CUL3: variants seen among roughly 807,000 people sequenced by gnomAD.
The protein encoded by CUL3 is cullin 3.
Under a neutral mutation model 89.1 loss-of-function variants are expected in CUL3, and 19 were observed. The observed-to-expected ratio is 0.21, with a 90% CI of 0.15 to 0.31. CUL3 has a LOEUF of 0.31. CUL3 is among the 10% of genes least tolerant of loss of function. The pLI is 1.00. For synonymous variants in CUL3, 351 were observed against 308.4 expected (o/e 1.14, Z -1.45); for missense variants, 469 against 942.3 (o/e 0.50, Z 6.58).
At chr2:224,494,328 T>TA (rs1692087411) in intron 13 of CUL3, among the ~76,000 whole-genome samples, 2 of 152,160 alleles carry the variant, frequency 1.3e-5, no homozygotes, top group African/African-American at 4.8e-5. Flanking sequence ...AATTTAAACT[T>TA]AATGTGAATC....
At chr2:224,532,789 G>A (rs1194664122) in intron 3 of CUL3, among the ~76,000 whole-genome samples, 1 of 152,062 alleles carries the variant, frequency 6.6e-6, no homozygotes, top group Non-Finnish European at 1.5e-5. Flanking sequence ...CAATATGAAA[G>A]GTAGAACCCT....
intron 3 of CUL3, among the ~76,000 whole-genome samples, chr2:224,525,483 G>C (rs1480802030): frequency 6.6e-6 from 1 of 152,152 alleles, no homozygotes; most frequent in Non-Finnish European, 1.5e-5. Context: ...GTGGCACAGT[G>C]ATACAGGTAT....
intron 3 of CUL3, among the ~76,000 whole-genome samples, chr2:224,520,699 A>G (rs1444467081): frequency 2.0e-5 from 3 of 152,192 alleles, no homozygotes; most frequent in Admixed American, 2.0e-4. Flanking sequence ...AAACTCCTGC[A>G]AATGCTTACT....
In CUL3 at chr2:224,495,680, T is replaced by A. The variant is rs747592462; in HGVS notation, c.1842+152A>T. 2.5e-5 allele frequency: 14 copies of A among 557,292 alleles called. No homozygotes were observed. The East Asian group carries it at 4.3e-4, about 17-fold the overall frequency. 34.5% of individuals were successfully genotyped at this position (557,292 alleles called of 1,614,324 possible). A position where few individuals can be genotyped will look rare whatever the true frequency, so the allele number is the denominator to read the frequency against. ...AATAAGACATAACTCAATACATGTATGATGTTCATACAGTTCCATGATCCA... is the reference window on the plus strand; with the variant it reads ...AATAAGACATAACTCAATACATGTAAGATGTTCATACAGTTCCATGATCCA... On this transcript the variant is annotated intron_variant, in intron 13 of 15. Coordinates refer to ENST00000264414, the MANE Select transcript of CUL3 (RefSeq NM_003590.5).
intron 2 of CUL3, among the ~76,000 whole-genome samples, chr2:224,536,698 A>G (rs973547350): frequency 1.7e-4 from 26 of 152,286 alleles, no homozygotes; most frequent in African/African-American, 6.3e-4. Flanking sequence ...CAACCCTAAT[A>G]AAAGACTATT....
chr2:224,477,843 T>C (rs996413050), intron 15 of CUL3, among the ~76,000 whole-genome samples: 3 of 152,238 alleles, frequency 2.0e-5, no homozygotes, highest in Non-Finnish European at 4.4e-5. Context: ...CTTCCCCTCC[T>C]TAGTTTCCCA....
At chr2:224,527,656 T>C (rs1239637642) in intron 3 of CUL3, among the ~76,000 whole-genome samples, 1 of 152,184 alleles carries the variant, frequency 6.6e-6, no homozygotes, top group Non-Finnish European at 1.5e-5. Context: ...TTAGAAGACA[T>C]CAAATAACTC....
intron 2 of CUL3, among the ~76,000 whole-genome samples, chr2:224,549,944 T>C (rs1464314238): frequency 6.6e-6 from 1 of 152,170 alleles, no homozygotes; most frequent in Non-Finnish European, 1.5e-5. Flanking sequence ...CAAATATTAT[T>C]ATCTTATAAT....
chr2:224,571,059 A>G (rs561370697), intron 1 of CUL3, among the ~76,000 whole-genome samples: 1 of 152,292 alleles, frequency 6.6e-6, no homozygotes, highest in Admixed American at 6.5e-5. Flanking sequence ...ACCACAACAA[A>G]TAAGATACAA....
chr2:224,544,066 G>A (rs545610690), intron 2 of CUL3, among the ~76,000 whole-genome samples: 1 of 152,044 alleles, frequency 6.6e-6, no homozygotes, highest in African/African-American at 2.4e-5. Context: ...CAACTGCCCA[G>A]GGAAGTCACT....
intron 3 of CUL3, among the ~76,000 whole-genome samples, chr2:224,523,902 T>C (rs1260623456): frequency 6.6e-6 from 1 of 151,994 alleles, no homozygotes; most frequent in Admixed American, 6.6e-5. Context: ...TGGCAGAGGC[T>C]TGGTGGAGGG....
intron 14 of CUL3, 54 bp from the exon 15 acceptor site, chr2:224,478,399 T>TA: frequency 6.5e-7 from 1 of 1,548,840 alleles, no homozygotes; most frequent in Non-Finnish European, 8.7e-7. Flanking sequence ...ATTTGGTTTA[T>TA]AAGCAAGCTT....
chr2:224,525,374 G>C (rs1238512019), intron 3 of CUL3, among the ~76,000 whole-genome samples: 1 of 152,116 alleles, frequency 6.6e-6, no homozygotes, highest in African/African-American at 2.4e-5. Flanking sequence ...ATTTTGGCGG[G>C]TTAATCTCTC....
chr2:224,513,302 T>G lies in CUL3; in HGVS notation c.654+222A>C, dbSNP rs112316407. On this transcript the variant is annotated intron_variant, in intron 5 of 15. Coordinates refer to ENST00000264414, the MANE Select transcript of CUL3 (RefSeq NM_003590.5). The stretch of plus-strand genomic sequence containing the variant: ...TGTTCAAGGGTCATCTCTGTTATTT[T>G]AAAAACCATGTGTGTAAGTTCAACC... 5.9e-5 allele frequency among the ~76,000 whole-genome samples: 9 copies of G among 152,262 alleles called. 2 individuals carry two copies. Among genetic ancestry groups the G allele is most frequent in the African/African-American group, 2.2e-4 (9 of 41,552 alleles).
intron 3 of CUL3, among the ~76,000 whole-genome samples, chr2:224,526,585 C>CAAAAAAAAAAAAAAAAAAAAA (rs1166152595): frequency 3.8e-5 from 1 of 26,166 alleles, no homozygotes; most frequent in African/African-American, 8.9e-5. Flanking sequence ...GACTCCGTCT[C>CAAAAAAAAAAAAAAAAAAAAA]AAAAAAAAAA....
chr2:224,523,278 T>C (rs1465702891), intron 3 of CUL3, among the ~76,000 whole-genome samples: 2 of 152,050 alleles, frequency 1.3e-5, no homozygotes, highest in African/African-American at 4.8e-5. Context: ...TATTCCACCT[T>C]TAGTACTGAA....
chr2:224,481,099 C>A (rs1691523411), intron 14 of CUL3, among the ~76,000 whole-genome samples: 1 of 152,000 alleles, frequency 6.6e-6, no homozygotes, highest in Non-Finnish European at 1.5e-5. Context: ...AAAAGACTAT[C>A]ATAATATACA....
chr2:224,537,734 A>G (rs1693948456), intron 2 of CUL3, among the ~76,000 whole-genome samples: 1 of 152,214 alleles, frequency 6.6e-6, no homozygotes, highest in Non-Finnish European at 1.5e-5. Context: ...TATCAAGCCC[A>G]TTAATTATTC....
At chr2:224,474,506 G>A in intron 15 of CUL3, 130 bp from the exon 16 acceptor site, 2 of 728,724 alleles carry the variant, frequency 2.7e-6, no homozygotes, top group East Asian at 2.7e-5. Flanking sequence ...TAAAAGCACA[G>A]AAACTTTAAA....
Sources: allele counts gnomAD v4.1 joint callset (sites outside exome capture counted in the v4.1 genomes callset), GRCh38; gene constraint gnomAD v4.1.1; transcripts MANE v1.5; gene names NCBI Gene and HGNC (gene_info 2026-07-23, HGNC 2026-07-21).